RASA2: variants seen among roughly 807,000 people sequenced by gnomAD.
RASA2 encodes RAS p21 protein activator 2, also known as ras GTPase-activating protein 2.
Under a neutral mutation model 118.2 loss-of-function variants are expected in RASA2, and 155 were observed. The ratio of observed to expected loss-of-function variants is 1.31; its 90% CI spans 1.15 to 1.50. The LOEUF is 1.50. Ranked by LOEUF, RASA2 falls within the 40% of genes most tolerant of loss-of-function variation. The probability of loss-of-function intolerance (pLI) is 0.00; values close to 1 mark genes in which losing one functional copy is unlikely to be tolerated. For missense variants in RASA2, 1,016 were observed against 1,009.6 expected, an observed-to-expected ratio of 1.01 and a Z score of -0.09; for synonymous variants, 353 against 349.1, an observed-to-expected ratio of 1.01 and a Z score of -0.12.
At chr3:141,562,839 A>G (rs967513935) in intron 9 of RASA2, among the ~76,000 whole-genome samples, 1 of 151,632 alleles carries the variant, frequency 6.6e-6, no homozygotes, top group Non-Finnish European at 1.5e-5. Context: ...CACCCAGCTA[A>G]TTTTTGTATT....
At chr3:141,598,355 A>G (rs1456414872) in intron 19 of RASA2, among the ~76,000 whole-genome samples, 1 of 152,364 alleles carries the variant, frequency 6.6e-6, no homozygotes, top group East Asian at 1.9e-4. Flanking sequence ...TAATCAACAT[A>G]ATTTATCTTA....
chr3:141,561,278 G>A (rs745862174), intron 9 of RASA2, among the ~76,000 whole-genome samples: 2 of 152,154 alleles, frequency 1.3e-5, no homozygotes, highest in African/African-American at 2.4e-5. Flanking sequence ...ACACGTTGTA[G>A]TGCCTCCGGG....
chr3:141,584,203 C>T (rs1286112974), intron 17 of RASA2, among the ~76,000 whole-genome samples: 3 of 151,522 alleles, frequency 2.0e-5, no homozygotes, highest in South Asian at 2.1e-4. Context: ...TGGTGGCAGG[C>T]GCCGGTAGTC....
chr3:141,604,199 C>T (rs1199511815), intron 19 of RASA2, among the ~76,000 whole-genome samples: 1 of 152,144 alleles, frequency 6.6e-6, no homozygotes, highest in Non-Finnish European at 1.5e-5. Flanking sequence ...ATTTAATGCA[C>T]TCACATTTAT....
rs1290747693 is a variant in RASA2, at chr3:141,614,866, T to G, written c.*2553T>G. On this transcript the variant is annotated 3_prime_UTR_variant, in exon 24 of 24. Transcript: ENST00000286364. Reference sequence around the variant, plus strand: ...ATGGGTAAGTGTGAAAACTAGGCTTTTTTTTATGAAACAAAAAAAGGTGAC... The same window carrying G: ...ATGGGTAAGTGTGAAAACTAGGCTTGTTTTTATGAAACAAAAAAAGGTGAC... 1 of 152,254 alleles carries G rather than the reference T, an allele frequency of 6.6e-6. No individual in the cohort carries two copies. The highest frequency in any genetic ancestry group is 1.5e-5 in the Non-Finnish European group (1 of 68,044). The allele number at this position is 152,254 out of a possible 1,614,324, so 9.4% of individuals were successfully genotyped here.
rs1029597328 is a variant in RASA2, at chr3:141,602,447, G to A, written c.1934-5231G>A. ...TTATCTGACAGGAGGCAGAACTCAG[G>A]TAGTAATGCTTGCTTGCCCACCCAC... On this transcript the variant is annotated intron_variant, in intron 19 of 23. Transcript: ENST00000286364. Among the ~76,000 whole-genome samples the A allele has an allele frequency of 2.0e-5, 3 of 152,294 alleles. 1 individual carries two copies.
intron 9 of RASA2, among the ~76,000 whole-genome samples, chr3:141,569,741 C>T (rs1048645180): frequency 3.3e-5 from 5 of 152,050 alleles, no homozygotes; most frequent in East Asian, 3.9e-4. Flanking sequence ...ACCCAAGTAG[C>T]GAACAAAGTA....
intron 4 of RASA2, among the ~76,000 whole-genome samples, chr3:141,530,725 T>G (rs1363336986): frequency 6.6e-6 from 1 of 152,134 alleles, no homozygotes; most frequent in East Asian, 1.9e-4. Context: ...TAAGTACTTA[T>G]GCACTAACCC....
chr3:141,520,734 T>C (rs541550456), intron 3 of RASA2, among the ~76,000 whole-genome samples: 5 of 152,346 alleles, frequency 3.3e-5, no homozygotes, highest in African/African-American at 1.2e-4. Flanking sequence ...GCAGATATTA[T>C]ATATTCTAAT....
At chr3:141,590,707 C>T (rs1313394839) in intron 19 of RASA2, among the ~76,000 whole-genome samples, 1 of 152,190 alleles carries the variant, frequency 6.6e-6, no homozygotes, top group African/African-American at 2.4e-5. Flanking sequence ...CCCAAATTTC[C>T]TGTAACATAG....
At chr3:141,516,504 T>C in intron 3 of RASA2, 73 bp downstream of exon 3, 1 of 1,148,512 alleles carries the variant, frequency 8.7e-7, no homozygotes, top group Non-Finnish European at 1.1e-6. Flanking sequence ...AGTATAGTTT[T>C]GAAAATTGCA....
At chr3:141,498,961 A>G (rs574040400) in intron 1 of RASA2, among the ~76,000 whole-genome samples, 2 of 152,332 alleles carry the variant, frequency 1.3e-5, no homozygotes, top group African/African-American at 4.8e-5. Context: ...GCACACATTC[A>G]AAACTGAAAC....
rs561514938 is a variant in RASA2, at chr3:141,552,461, A to G, written c.528-1396A>G. Among the ~76,000 whole-genome samples, 58 of 152,288 alleles carry G rather than the reference A, an allele frequency of 3.8e-4. 1 individual carries two copies. Among genetic ancestry groups the G allele is most frequent in the African/African-American group, 1.4e-3 (57 of 41,556 alleles). ...TTGTAACTTCCTCACATAACCTGTG[A>G]GCCTTACTTCTTTTAAATGGCATAA... On this transcript the variant is annotated intron_variant, in intron 5 of 23. Coordinates refer to ENST00000286364, the MANE Select transcript of RASA2 (RefSeq NM_006506.5).
chr3:141,549,484 C>CGTGTGTGTGTGT (rs56036122), intron 5 of RASA2, among the ~76,000 whole-genome samples: 30 of 145,300 alleles, frequency 2.1e-4, no homozygotes, highest in African/African-American at 6.9e-4. Context: ...TGTGTGTGTG[C>CGTGTGTGTGTGT]GTGTGTGTGT....
chr3:141,541,064 C>G (rs993958083), intron 5 of RASA2, among the ~76,000 whole-genome samples: 1 of 152,140 alleles, frequency 6.6e-6, no homozygotes. Context: ...CACCCAGACT[C>G]TAATCTCCTG....
intron 19 of RASA2, chr3:141,600,323 A>C: frequency 1.9e-6 from 1 of 537,426 alleles, no homozygotes; most frequent in Non-Finnish European, 3.8e-6. Flanking sequence ...TCTGATGTCC[A>C]AAGTGTTAGG....
In RASA2 at chr3:141,553,846, T is replaced by C; in HGVS notation, c.528-11T>C. 2 of 1,603,768 alleles carry C rather than the reference T, an allele frequency of 1.2e-6. No homozygotes were observed. Among genetic ancestry groups the C allele is most frequent in the South Asian group, 2.3e-5 (2 of 88,774 alleles). On this transcript the variant is annotated splice_polypyrimidine_tract_variant and intron_variant, in intron 5 of 23. Coordinates refer to ENST00000286364, the MANE Select transcript of RASA2 (RefSeq NM_006506.5). ...AATCTAATATGTTAAATCTCTTTTA[T>C]TCTACCTTAGCATCAAGGCATGCCA...
intron 1 of RASA2, among the ~76,000 whole-genome samples, chr3:141,499,517 A>C (rs551310795): frequency 1.3e-5 from 2 of 152,288 alleles, no homozygotes; most frequent in South Asian, 4.1e-4. Context: ...GTGCCCACTC[A>C]AGTGTTTGCT....
intron 1 of RASA2, among the ~76,000 whole-genome samples, chr3:141,503,188 C>T (rs2081810222): frequency 6.6e-6 from 1 of 152,116 alleles, no homozygotes; most frequent in African/African-American, 2.4e-5. Context: ...AGTGTCCTCC[C>T]CTAGGACATG....
Sources: allele counts gnomAD v4.1 joint callset (sites outside exome capture counted in the v4.1 genomes callset), GRCh38; gene constraint gnomAD v4.1.1; transcripts MANE v1.5; gene names NCBI Gene and HGNC (gene_info 2026-07-23, HGNC 2026-07-21).